Variants in BACE2 observed in about 807,000 individuals in gnomAD.
The protein encoded by BACE2 is beta-secretase 2.
In BACE2, 17 loss-of-function variants were observed where a neutral mutation model predicts 46.2. That is an observed-to-expected ratio of 0.37 (90% CI 0.25 to 0.55). The LOEUF is 0.55. Ranked by LOEUF, BACE2 falls within the 20% of genes least tolerant of loss-of-function variation. The probability of loss-of-function intolerance (pLI) is 0.82; values close to 1 mark genes in which losing one functional copy is unlikely to be tolerated. For synonymous variants in BACE2, 277 were observed against 295.9 expected (o/e 0.94, Z 0.66); for missense variants, 595 against 698.1 (o/e 0.85, Z 1.66).
intron 1 of BACE2, among the ~76,000 whole-genome samples, chr21:41,220,100 C>G (rs1002679163): frequency 1.3e-5 from 2 of 152,148 alleles, no homozygotes; most frequent in Admixed American, 6.5e-5. Context: ...TAGATTTACT[C>G]ACAGAACTCA....
At chr21:41,235,339 A>G (rs957846185) in intron 2 of BACE2, among the ~76,000 whole-genome samples, 1 of 152,216 alleles carries the variant, frequency 6.6e-6, no homozygotes, top group African/African-American at 2.4e-5. Context: ...GATATGCTGT[A>G]ATTTACTGAA....
intron 1 of BACE2, among the ~76,000 whole-genome samples, chr21:41,206,360 C>G (rs1355269234): frequency 6.6e-6 from 1 of 152,190 alleles, no homozygotes; most frequent in Non-Finnish European, 1.5e-5. Context: ...AAGGCCCTGC[C>G]TCCTAATAGC....
At chr21:41,251,762 C>G (rs1193058728) in intron 7 of BACE2, among the ~76,000 whole-genome samples, 1 of 150,984 alleles carries the variant, frequency 6.6e-6, no homozygotes, top group African/African-American at 2.5e-5. Context: ...GATCACACCA[C>G]TGCACTGCAG....
chr21:41,229,647 G>A (rs983487143), intron 2 of BACE2, among the ~76,000 whole-genome samples: 7 of 129,168 alleles, frequency 5.4e-5, no homozygotes, highest in African/African-American at 2.5e-4. Flanking sequence ...ACAACCCACC[G>A]CATCTTTCTC....
At chr21:41,198,878 T>TTTAC (rs2123524979) in intron 1 of BACE2, among the ~76,000 whole-genome samples, 1 of 151,660 alleles carries the variant, frequency 6.6e-6, no homozygotes, top group Non-Finnish European at 1.5e-5. Context: ...TATTTATTTA[T>TTTAC]TTATTTATTA....
At chr21:41,243,190 G>A (rs528805102) in intron 4 of BACE2, among the ~76,000 whole-genome samples, 186 bp from the exon 5 acceptor site, 2 of 152,328 alleles carry the variant, frequency 1.3e-5, no homozygotes, top group African/African-American at 4.8e-5. Context: ...GGGATTACAA[G>A]CGTGAGCCAC....
intron 1 of BACE2, among the ~76,000 whole-genome samples, chr21:41,185,714 C>T (rs1985346347): frequency 6.6e-6 from 1 of 152,232 alleles, no homozygotes; most frequent in Non-Finnish European, 1.5e-5. Flanking sequence ...AAAATGCCTG[C>T]GTTTCAGCCA....
rs569908131 is a variant in BACE2 at position 41,194,914 on chromosome 21, A to G, written c.312+26339A>G. 6.7e-4 allele frequency among the ~76,000 whole-genome samples: 102 copies of G among 152,300 alleles called. 8 individuals carry two copies. The South Asian group carries it at 0.017, about 25-fold the overall frequency. ...AGTCTGTTTACTGTTGTTTTTGTTG[A>G]TGTTATTGGCAGGCAGGGCACTTAT... is the stretch of plus-strand genomic sequence containing the variant. On this transcript the variant is annotated intron_variant, in intron 1 of 8. Transcript: ENST00000330333.
rs1328562900 is a variant in BACE2 at position 41,174,139 on chromosome 21, C to CTTT, written c.312+5587_312+5589dup. On this transcript the variant is annotated intron_variant, in intron 1 of 8. Coordinates refer to ENST00000330333, the MANE Select transcript of BACE2 (RefSeq NM_012105.5). The stretch of plus-strand genomic sequence containing the variant: ...AAGGATAGCTGTTGTGATCAGTGGC[C>CTTT]TTTTTTTTTTTTTTTTTTTTTTTTT... Among the ~76,000 whole-genome samples, 8 of 48,486 alleles carry CTTT rather than the reference C, an allele frequency of 1.6e-4. 1 individual carries two copies. The highest frequency in any genetic ancestry group is 1.9e-4 in the Non-Finnish European group (6 of 32,160). The allele number at this position is 48,486 out of a possible 152,430, so 31.8% of individuals were successfully genotyped here.
chr21:41,226,175 CTACT>C, intron 1 of BACE2, 87 bp from the exon 2 acceptor site: 1 of 932,672 alleles, frequency 1.1e-6, no homozygotes, highest in Non-Finnish European at 1.7e-6. Flanking sequence ...ATTATTCTTG[CTACT>C]TAGTTTTAAA....
chr21:41,246,554 C>G (rs1350850032), intron 6 of BACE2, among the ~76,000 whole-genome samples: 1 of 152,196 alleles, frequency 6.6e-6, no homozygotes, highest in African/African-American at 2.4e-5. Flanking sequence ...GCACTGGTAT[C>G]TTAACTTCTG....
intron 1 of BACE2, among the ~76,000 whole-genome samples, chr21:41,211,899 C>A (rs768776131): frequency 7.9e-5 from 12 of 152,334 alleles, no homozygotes; most frequent in African/African-American, 2.6e-4. Flanking sequence ...GTGCATCAAC[C>A]AGAGATTAAG....
intron 8 of BACE2, among the ~76,000 whole-genome samples, chr21:41,274,202 C>T (rs1330543157): frequency 2.0e-5 from 3 of 151,934 alleles, no homozygotes; most frequent in African/African-American, 7.3e-5. Flanking sequence ...TTGTTCATTG[C>T]CTTTCTTTTT....
chr21:41,199,709 C>A (rs1363513888), intron 1 of BACE2, among the ~76,000 whole-genome samples: 1 of 152,148 alleles, frequency 6.6e-6, no homozygotes, highest in Non-Finnish European at 1.5e-5. Flanking sequence ...CGATTCCCTC[C>A]GCACTTCTAG....
intron 2 of BACE2, among the ~76,000 whole-genome samples, chr21:41,232,477 T>C (rs1345769792): frequency 2.0e-5 from 3 of 152,184 alleles, no homozygotes; most frequent in African/African-American, 4.8e-5. Context: ...GCAAATCTCA[T>C]GTTGAAATGT....
intron 1 of BACE2, among the ~76,000 whole-genome samples, chr21:41,211,696 T>C (rs11909494): frequency 0.033 from 4,986 of 152,346 alleles, 268 homozygotes; most frequent in African/African-American, 0.11. Flanking sequence ...GGAATCGTTG[T>C]GTTAAATGAG....
At chr21:41,273,360 G>A (rs1000057774) in intron 8 of BACE2, among the ~76,000 whole-genome samples, 6 of 152,166 alleles carry the variant, frequency 3.9e-5, no homozygotes, top group African/African-American at 7.2e-5. Context: ...GGAGACCGGG[G>A]CTTATTTCAT....
rs1399764321 is a variant in BACE2, at chr21:41,232,826, G to A, written c.402-4687G>A. 2.0e-5 allele frequency among the ~76,000 whole-genome samples: 3 copies of A among 151,504 alleles called. No individual in the cohort carries two copies. In the East Asian group the frequency reaches 5.8e-4, roughly 29 times the overall value. ...TTCCTTATGAATTATTCACCCTTGG[G>A]TATTCCTTTATAGCAATGCAAACAT... is the stretch of plus-strand genomic sequence containing the variant. On this transcript the variant is annotated intron_variant, in intron 2 of 8. Coordinates refer to ENST00000330333, the MANE Select transcript of BACE2 (RefSeq NM_012105.5).
intron 1 of BACE2, among the ~76,000 whole-genome samples, chr21:41,191,490 A>G (rs1231499630): frequency 2.0e-5 from 3 of 152,230 alleles, no homozygotes; most frequent in Non-Finnish European, 4.4e-5. Context: ...GTAAGTGTCT[A>G]TTCCAGTGGG....
Sources: gnomAD v4.1 joint callset for allele counts (sites outside exome capture counted in the v4.1 genomes callset) on GRCh38, gnomAD v4.1.1 for gene constraint, MANE v1.5 for transcripts, NCBI Gene and HGNC (gene_info 2026-07-23, HGNC 2026-07-21) for gene names.